KHDRBS2: variants seen among roughly 807,000 people sequenced by gnomAD.
KHDRBS2 encodes KH domain-containing, RNA-binding, signal transduction-associated protein 2.
In KHDRBS2, 26 loss-of-function variants were observed where a neutral mutation model predicts 44.3. The ratio of observed to expected loss-of-function variants is 0.59; its 90% confidence interval spans 0.43 to 0.81. KHDRBS2 has a LOEUF of 0.81. Among genes scored for constraint, KHDRBS2 ranks in the 40% least tolerant of loss-of-function variants. The pLI, the probability that KHDRBS2 is intolerant of heterozygous loss-of-function variation, is 0.00. For synonymous variants in KHDRBS2, 194 were observed against 151.1 expected (o/e 1.28, Z -2.08); for missense variants, 476 against 433.1 (o/e 1.10, Z -0.88).
At chr6:61,884,853 C>G (rs1800708503) in intron 6 of KHDRBS2, among the ~76,000 whole-genome samples, 2 of 152,088 alleles carry the variant, frequency 1.3e-5, no homozygotes, top group Admixed American at 6.6e-5. Context: ...TCTGTCCCCC[C>G]ATAGAGATGT....
In KHDRBS2 at chr6:61,873,529, C is replaced by T. The variant is rs115238100; in HGVS notation, c.810+21106G>A. On this transcript the variant is annotated intron_variant, in intron 6 of 8. Transcript: ENST00000281156. ...ATACTAGGTAATTTAGTATATCTGC[C>T]TAGAAGAACAATTTATCTCAAACAG... 9.4e-3 allele frequency among the ~76,000 whole-genome samples: 1,420 copies of T among 151,554 alleles called. 23 individuals carry two copies. The highest frequency in any genetic ancestry group is 0.033 in the African/African-American group (1,368 of 41,376).
chr6:62,068,477 ACGG>A (rs1794258308), intron 2 of KHDRBS2, among the ~76,000 whole-genome samples: 1 of 151,298 alleles, frequency 6.6e-6, no homozygotes, highest in South Asian at 2.1e-4. Flanking sequence ...CATTTTCTTG[ACGG>A]CTGTCATTTA....
chr6:61,938,971 A>T (rs1378213651), intron 4 of KHDRBS2, among the ~76,000 whole-genome samples: 1 of 152,080 alleles, frequency 6.6e-6, no homozygotes, highest in Non-Finnish European at 1.5e-5. Context: ...GTGGTTCTTC[A>T]GTGGAGGCTA....
At chr6:62,207,965 G>T (rs1366283205) in intron 1 of KHDRBS2, among the ~76,000 whole-genome samples, 2 of 151,938 alleles carry the variant, frequency 1.3e-5, no homozygotes, top group Admixed American at 1.3e-4. Flanking sequence ...TTAGCCTTTT[G>T]TTGTACATTA....
At chr6:61,955,979 C>T (rs1767157312) in intron 4 of KHDRBS2, among the ~76,000 whole-genome samples, 1 of 151,986 alleles carries the variant, frequency 6.6e-6, no homozygotes, top group Non-Finnish European at 1.5e-5. Flanking sequence ...AGCTATAGAT[C>T]TCATACGTAT....
chr6:62,278,843 C>A (rs1195605200), intron 1 of KHDRBS2, among the ~76,000 whole-genome samples: 1 of 152,084 alleles, frequency 6.6e-6, no homozygotes, highest in African/African-American at 2.4e-5. Flanking sequence ...GTCTGTAATC[C>A]CAGCACTTTG....
At chr6:62,223,879 G>A (rs1831315157) in intron 1 of KHDRBS2, among the ~76,000 whole-genome samples, 1 of 152,086 alleles carries the variant, frequency 6.6e-6, no homozygotes, top group South Asian at 2.1e-4. Flanking sequence ...CAGGCTTTTG[G>A]TGAAAGCTAT....
intron 6 of KHDRBS2, among the ~76,000 whole-genome samples, chr6:61,867,320 T>A (rs577723319): frequency 6.6e-6 from 1 of 152,314 alleles, no homozygotes; most frequent in African/African-American, 2.4e-5. Context: ...TGAAACTTAC[T>A]ATCATGAGAA....
At chr6:61,553,584 A>G in the KHDRBS2 span, among the ~76,000 whole-genome samples, 1 of 151,776 alleles carries the variant, frequency 6.6e-6, no homozygotes, top group Non-Finnish European at 1.5e-5. Flanking sequence ...TAGTTCTTCT[A>G]TTTGTGATGT....
intron 2 of KHDRBS2, among the ~76,000 whole-genome samples, chr6:62,078,771 T>C (rs1360962383): frequency 6.6e-6 from 1 of 152,036 alleles, no homozygotes; most frequent in Non-Finnish European, 1.5e-5. Context: ...CTTTAGTTTC[T>C]ACTTCCATGA....
At chr6:61,560,683 C>T in the KHDRBS2 span, among the ~76,000 whole-genome samples, 77 of 152,236 alleles carry the variant, frequency 5.1e-4, no homozygotes, top group African/African-American at 1.8e-3. Context: ...AATCTCTTTG[C>T]TACATTTCTC....
chr6:61,609,988 A>G, the KHDRBS2 span, among the ~76,000 whole-genome samples: 1 of 152,128 alleles, frequency 6.6e-6, no homozygotes, highest in African/African-American at 2.4e-5. Context: ...CCTGGCTAAC[A>G]CGGTGAAACC....
At chr6:61,597,734 A>T in the KHDRBS2 span, among the ~76,000 whole-genome samples, 9 of 33,066 alleles carry the variant, frequency 2.7e-4, no homozygotes, top group African/African-American at 2.0e-3. Flanking sequence ...TGCACCTTTT[A>T]TATATATATA....
At chr6:62,266,349 C>G (rs1482907208) in intron 1 of KHDRBS2, among the ~76,000 whole-genome samples, 1 of 151,910 alleles carries the variant, frequency 6.6e-6, no homozygotes, top group African/African-American at 2.4e-5. Context: ...GCTTCTTTGC[C>G]CCTACATGAC....
intron 1 of KHDRBS2, among the ~76,000 whole-genome samples, chr6:62,198,301 G>T (rs1294176803): frequency 6.6e-6 from 1 of 152,056 alleles, no homozygotes; most frequent in Non-Finnish European, 1.5e-5. Context: ...TCCAAGAGTG[G>T]TTTTTTGAAA....
At chr6:61,843,341 TTTATTATTATTA>T (rs70993183) in intron 6 of KHDRBS2, among the ~76,000 whole-genome samples, 5 of 143,374 alleles carry the variant, frequency 3.5e-5, no homozygotes, top group Admixed American at 7.0e-5. Context: ...TTATATCTAT[TTTATTATTATTA>T]TTATTATTAT....
At chr6:62,014,556 T>C (rs1346276006) in intron 3 of KHDRBS2, among the ~76,000 whole-genome samples, 1 of 152,134 alleles carries the variant, frequency 6.6e-6, no homozygotes, top group African/African-American at 2.4e-5. Flanking sequence ...CTAGCTACAG[T>C]ACAAGTGTCA....
chr6:61,729,726 C>A (rs1421716863), intron 7 of KHDRBS2, among the ~76,000 whole-genome samples: 1 of 152,026 alleles, frequency 6.6e-6, no homozygotes, highest in Non-Finnish European at 1.5e-5. Flanking sequence ...CTCTTATTTG[C>A]AATTTGTATA....
At chr6:61,855,922 G>T (rs1427546823) in intron 6 of KHDRBS2, among the ~76,000 whole-genome samples, 1 of 151,828 alleles carries the variant, frequency 6.6e-6, no homozygotes, top group Admixed American at 6.6e-5. Flanking sequence ...CTTCTGTTTT[G>T]GTTATTGGGA....
Sources: allele counts gnomAD v4.1 joint callset (sites outside exome capture counted in the v4.1 genomes callset), GRCh38; gene constraint gnomAD v4.1.1; transcripts MANE v1.5; gene names NCBI Gene and HGNC (gene_info 2026-07-23, HGNC 2026-07-21).